SLC71A1: variants seen among roughly 807,000 people sequenced by gnomAD.
SLC71A1 encodes the protein solute carrier family 71 member 1, also known as hippocampus abundant gene transcript 1.
At chr1:100,081,317 A>T in the SLC71A1 span, among the ~76,000 whole-genome samples, 122 of 152,326 alleles carry the variant, frequency 8.0e-4, no homozygotes, top group African/African-American at 2.9e-3. Context: ...CTTGAAACAA[A>T]GAAATGGTAA....
the SLC71A1 span, chr1:100,078,477 C>T: frequency 6.2e-7 from 1 of 1,613,088 alleles, no homozygotes; most frequent in Non-Finnish European, 8.5e-7. Flanking sequence ...GGGGCAGTAG[C>T]AGCCATGTCT....
chr1:100,038,301 T>C, the SLC71A1 span: 1 of 1,556,758 alleles, frequency 6.4e-7, no homozygotes, highest in Non-Finnish European at 8.7e-7. Context: ...AGATCATCAT[T>C]AAGGACGGAG....
At chr1:100,063,064 C>G in the SLC71A1 span, among the ~76,000 whole-genome samples, 1 of 151,954 alleles carries the variant, frequency 6.6e-6, no homozygotes, top group Middle Eastern at 3.4e-3. Flanking sequence ...AAAATTTATC[C>G]TTTTTATGAG....
the SLC71A1 span, among the ~76,000 whole-genome samples, chr1:100,077,995 A>T: frequency 6.6e-6 from 1 of 152,222 alleles, no homozygotes; most frequent in Non-Finnish European, 1.5e-5. Context: ...TCTTTTAAAC[A>T]TCAAGCCAGG....
the SLC71A1 span, chr1:100,080,128 G>A: frequency 1.3e-5 from 2 of 157,442 alleles, no homozygotes; most frequent in African/African-American, 4.8e-5. Context: ...TTGACTAAAA[G>A]GGGTCTTAAG....
the SLC71A1 span, chr1:100,059,789 T>G: frequency 8.3e-7 from 1 of 1,198,414 alleles, no homozygotes; most frequent in Admixed American, 2.8e-5. Context: ...ACAAAGTTGT[T>G]GAAAATTTTT....
the SLC71A1 span, among the ~76,000 whole-genome samples, chr1:100,051,121 G>A: frequency 1.3e-5 from 2 of 150,690 alleles, no homozygotes; most frequent in East Asian, 2.0e-4. Flanking sequence ...AGCCGGGCGC[G>A]GTGGCTCACA....
chr1:100,068,071 C>T, the SLC71A1 span: 1 of 1,614,152 alleles, frequency 6.2e-7, no homozygotes, highest in Non-Finnish European at 8.5e-7. Context: ...GTGGTCTTAG[C>T]TACAGCAATA....
At chr1:100,059,774 T>C in the SLC71A1 span, 5 of 976,080 alleles carry the variant, frequency 5.1e-6, no homozygotes, top group East Asian at 1.3e-4. Flanking sequence ...ATATTTACTT[T>C]AGAAACAAAG....
the SLC71A1 span, among the ~76,000 whole-genome samples, chr1:100,057,429 A>G: frequency 6.8e-6 from 1 of 146,142 alleles, no homozygotes; most frequent in Non-Finnish European, 1.5e-5. Flanking sequence ...ATCTCAGCTC[A>G]CTGCAACCTC....
the SLC71A1 span, among the ~76,000 whole-genome samples, chr1:100,048,079 C>T: frequency 2.6e-5 from 4 of 152,256 alleles, no homozygotes; most frequent in Non-Finnish European, 2.9e-5. Flanking sequence ...AAAAAATTAG[C>T]ATGCTTTAAG....
the SLC71A1 span, among the ~76,000 whole-genome samples, chr1:100,062,351 G>A: frequency 6.6e-6 from 1 of 152,120 alleles, no homozygotes; most frequent in African/African-American, 2.4e-5. Context: ...GGCTTTGTGG[G>A]CCACGTACAG....
At chr1:100,040,292 A>T in the SLC71A1 span, among the ~76,000 whole-genome samples, 2 of 150,290 alleles carry the variant, frequency 1.3e-5, no homozygotes, top group East Asian at 3.9e-4. Flanking sequence ...TAATCAGAGG[A>T]TATATTTCAA....
the SLC71A1 span, among the ~76,000 whole-genome samples, chr1:100,066,972 G>C: frequency 2.4e-5 from 3 of 122,856 alleles, no homozygotes; most frequent in African/African-American, 9.3e-5. Flanking sequence ...CTGGGCGACA[G>C]AGCGAGACTC....
the SLC71A1 span, among the ~76,000 whole-genome samples, chr1:100,041,315 T>C: frequency 6.6e-6 from 1 of 152,228 alleles, no homozygotes; most frequent in African/African-American, 2.4e-5. Flanking sequence ...GTAGGCTACC[T>C]ATGTGAGTAG....
chr1:100,045,455 A>G, the SLC71A1 span, among the ~76,000 whole-genome samples: 1 of 151,792 alleles, frequency 6.6e-6, no homozygotes. Flanking sequence ...TGGCAGTTTG[A>G]TTTCCTCTTT....
At chr1:100,079,197 A>G in the SLC71A1 span, 1 of 152,124 alleles carries the variant, frequency 6.6e-6, no homozygotes, top group East Asian at 1.9e-4. Flanking sequence ...TGTCCCAGCC[A>G]CTTGGGAAGC....
chr1:100,056,979 A>G, the SLC71A1 span, among the ~76,000 whole-genome samples: 3 of 152,316 alleles, frequency 2.0e-5, no homozygotes, highest in East Asian at 3.9e-4. Context: ...AGAAATGTCT[A>G]TTCAGATCTT....
chr1:100,073,551 G>A, the SLC71A1 span, among the ~76,000 whole-genome samples: 1 of 152,168 alleles, frequency 6.6e-6, no homozygotes, highest in South Asian at 2.1e-4. Flanking sequence ...CTGGATCCTG[G>A]TTTAAGCAGC....
Sources: allele counts gnomAD v4.1 joint callset (sites outside exome capture counted in the v4.1 genomes callset), GRCh38; gene constraint gnomAD v4.1.1; transcripts MANE v1.5; gene names NCBI Gene and HGNC (gene_info 2026-07-23, HGNC 2026-07-21).